Variants in DACH1 observed in about 807,000 individuals in gnomAD.
The protein encoded by DACH1 is dachshund family transcription factor 1, also known as dachshund homolog 1.
DACH1 carries 12 observed loss-of-function variants against 54.2 expected under a neutral mutation model. That is an observed-to-expected ratio of 0.22 (90% confidence interval 0.14 to 0.36). The LOEUF is 0.36. DACH1 is among the 10% of genes least tolerant of loss of function. The pLI, the probability that DACH1 is intolerant of heterozygous loss-of-function variation, is 1.00. For missense variants in DACH1, 805 were observed against 929.8 expected (o/e 0.87, Z 1.75); for synonymous variants, 386 against 366.2 (o/e 1.05, Z -0.62).
chr13:71,518,936 T>A (rs761925224), intron 6 of DACH1, among the ~76,000 whole-genome samples: 2 of 151,908 alleles, frequency 1.3e-5, no homozygotes, highest in Non-Finnish European at 2.9e-5. Context: ...CTGAAATTTT[T>A]ATGAAACTCA....
intron 10 of DACH1, among the ~76,000 whole-genome samples, chr13:71,453,256 T>C (rs1875239376): frequency 6.6e-6 from 1 of 152,050 alleles, no homozygotes; most frequent in Admixed American, 6.6e-5. Context: ...GAAACAAGGG[T>C]GGAAGGAAAT....
At chr13:71,822,038 C>A (rs561374301) in intron 1 of DACH1, among the ~76,000 whole-genome samples, 2 of 151,830 alleles carry the variant, frequency 1.3e-5, no homozygotes, top group Non-Finnish European at 2.9e-5. Context: ...TCCAGCCTGG[C>A]AACAGAGCGA....
At chr13:71,829,594 A>G (rs542994585) in intron 1 of DACH1, among the ~76,000 whole-genome samples, 1 of 152,022 alleles carries the variant, frequency 6.6e-6, no homozygotes, top group Non-Finnish European at 1.5e-5. Flanking sequence ...CATTATCTCC[A>G]AGCATTCTCT....
In DACH1 at chr13:71,439,215, T is replaced by C. The variant is rs956323157; in HGVS notation, c.*1440A>G. On this transcript the variant is annotated 3_prime_UTR_variant, in exon 11 of 11. Coordinates refer to ENST00000613252, the MANE Select transcript of DACH1 (RefSeq NM_080759.6). Reference sequence around the variant, plus strand: ...GATGACAGAAAAATCATAAAATGTATAGTGACCGTACTGATTCATATCAGT... The same window carrying C: ...GATGACAGAAAAATCATAAAATGTACAGTGACCGTACTGATTCATATCAGT... 4 of 152,486 alleles carry C rather than the reference T, an allele frequency of 2.6e-5. No homozygotes were observed. Among genetic ancestry groups the C allele is most frequent in the African/African-American group, 4.8e-5 (2 of 41,454 alleles). The allele number at this position is 152,486 out of a possible 1,614,324, so 9.4% of individuals were successfully genotyped here.
chr13:71,860,834 T>G (rs1043209604), intron 1 of DACH1, among the ~76,000 whole-genome samples: 1 of 152,010 alleles, frequency 6.6e-6, no homozygotes, highest in African/African-American at 2.4e-5. Context: ...AAAGCACAAA[T>G]TGTTCTTAAA....
chr13:71,535,977 C>T (rs1036919955), intron 6 of DACH1, among the ~76,000 whole-genome samples: 6 of 151,842 alleles, frequency 4.0e-5, no homozygotes, highest in Admixed American at 1.3e-4. Context: ...ATAATAATTA[C>T]GGTATTACTA....
At chr13:71,683,185 T>C (rs923939247) in intron 1 of DACH1, among the ~76,000 whole-genome samples, 3 of 152,122 alleles carry the variant, frequency 2.0e-5, no homozygotes, top group African/African-American at 7.2e-5. Context: ...GTTCTTAGAC[T>C]TCAGAAGTTT....
intron 1 of DACH1, among the ~76,000 whole-genome samples, chr13:71,740,057 C>T (rs891927384): frequency 2.0e-5 from 3 of 152,130 alleles, no homozygotes; most frequent in Non-Finnish European, 4.4e-5. Flanking sequence ...TCAACTTGTA[C>T]AAATAAAAGG....
intron 1 of DACH1, among the ~76,000 whole-genome samples, chr13:71,716,403 A>G (rs1466451356): frequency 2.0e-5 from 3 of 152,102 alleles, no homozygotes; most frequent in Non-Finnish European, 2.9e-5. Context: ...TAGCACCTCA[A>G]TTCCTTTCAG....
intron 1 of DACH1, among the ~76,000 whole-genome samples, chr13:71,781,344 ATTTT>A (rs945051341): frequency 3.0e-5 from 4 of 133,582 alleles, no homozygotes; most frequent in Admixed American, 8.3e-5. Context: ...GATCTTTTTT[ATTTT>A]TATTTATTTA....
At chr13:71,544,299 T>C (rs1344015647) in intron 6 of DACH1, among the ~76,000 whole-genome samples, 2 of 152,158 alleles carry the variant, frequency 1.3e-5, no homozygotes, top group African/African-American at 4.8e-5. Flanking sequence ...ATAGAGGTTA[T>C]AGTTTAGATA....
chr13:71,778,984 A>G (rs944696323), intron 1 of DACH1, among the ~76,000 whole-genome samples: 2 of 151,718 alleles, frequency 1.3e-5, no homozygotes, highest in African/African-American at 4.8e-5. Context: ...CAAGATTTGA[A>G]TGGCATTTTG....
chr13:71,623,955 C>T (rs1876443923), intron 3 of DACH1, among the ~76,000 whole-genome samples: 1 of 151,836 alleles, frequency 6.6e-6, no homozygotes, highest in Admixed American at 6.6e-5. Flanking sequence ...TAGATTTTCA[C>T]ATTAGACTCT....
chr13:71,565,953 C>T (rs953871761), intron 4 of DACH1, among the ~76,000 whole-genome samples: 6 of 152,194 alleles, frequency 3.9e-5, no homozygotes, highest in Admixed American at 1.3e-4. Context: ...TAATTCAGCA[C>T]CATCTGACAA....
At chr13:71,704,631 T>C in intron 1 of DACH1, 1 of 402,580 alleles carries the variant, frequency 2.5e-6, no homozygotes, top group Non-Finnish European at 4.9e-6. Context: ...TGCTGGAACC[T>C]CTTCCCTGTG....
intron 1 of DACH1, among the ~76,000 whole-genome samples, chr13:71,713,208 T>C (rs1440615332): frequency 6.6e-6 from 1 of 152,006 alleles, no homozygotes; most frequent in Non-Finnish European, 1.5e-5. Context: ...GGCTGGAACC[T>C]GATACTATCA....
rs560261653 is a variant in DACH1, at chr13:71,441,366, G to T, written c.2084-674C>A. 4.5e-4 allele frequency among the ~76,000 whole-genome samples: 68 copies of T among 152,116 alleles called. 1 individual carries two copies. Among genetic ancestry groups the T allele is most frequent in the African/African-American group, 1.6e-3 (65 of 41,548 alleles). On this transcript the variant is annotated intron_variant, in intron 10 of 10. Transcript: ENST00000613252. ...AGACATCGAATAAATCCATTTGAAT[G>T]AAGCACTAATAAGAAATAGGAAATT...
intron 1 of DACH1, among the ~76,000 whole-genome samples, chr13:71,726,630 A>G (rs941738818): frequency 1.6e-4 from 25 of 152,096 alleles, no homozygotes; most frequent in African/African-American, 6.0e-4. Context: ...ATTTCAGTTT[A>G]ATTTTAGTAT....
chr13:71,740,725 C>A (rs1347500459), intron 1 of DACH1, among the ~76,000 whole-genome samples: 1 of 152,040 alleles, frequency 6.6e-6, no homozygotes, highest in African/African-American at 2.4e-5. Context: ...GCAGTTACTT[C>A]CCAGTACATA....
Sources: allele counts gnomAD v4.1 joint callset (sites outside exome capture counted in the v4.1 genomes callset), GRCh38; gene constraint gnomAD v4.1.1; transcripts MANE v1.5; gene names NCBI Gene and HGNC (gene_info 2026-07-23, HGNC 2026-07-21).